KATNIP: variants seen among roughly 807,000 people sequenced by gnomAD.
KATNIP encodes katanin interacting protein, also known as katanin-interacting protein.
KATNIP carries 126 observed loss-of-function variants against 174.0 expected under a neutral mutation model. The observed-to-expected ratio is 0.72, with a 90% CI of 0.63 to 0.84. The LOEUF (loss-of-function observed/expected upper bound fraction) is 0.84. Ranked by LOEUF, KATNIP falls within the 40% of genes least tolerant of loss-of-function variation. The pLI is 0.00. For synonymous variants in KATNIP, 810 were observed against 835.7 expected (o/e 0.97, Z 0.53); for missense variants, 1,958 against 2,109.7 (o/e 0.93, Z 1.41).
At position 27,708,821 on chromosome 16, in the gene KATNIP, C is replaced by G. The variant is rs372389515; in HGVS notation, c.1506C>G (p.Asp502Glu). 107 of 1,613,942 alleles carry G rather than the reference C, an allele frequency of 6.6e-5. No homozygotes were observed. Among genetic ancestry groups the G allele is most frequent in the Non-Finnish European group, 9.0e-5 (106 of 1,180,026 alleles). The change falls in exon 13 of 28, where the codon GAC becomes GAG. Residue 502 changes from aspartate (D) to glutamate (E), a missense_variant. Asp to Glu is a conservative substitution (Grantham distance 45). This residue lies in a region of KATNIP where 1,557 missense variants were observed against 1,617.8 expected (regional missense o/e 0.96). Transcript: ENST00000261588. ...WVGLTEVEFFDLNDTKLYVSP... is the reference protein window; with the variant it reads ...WVGLTEVEFFELNDTKLYVSP... ...GTCTCACAGAAGTCGAGTTCTTTGA[C>G]TTGAATGACACAAAGCTTTATGTGT... is the stretch of plus-strand genomic sequence containing the variant.
chr16:27,597,479 G>A (rs1596855859), intron 2 of KATNIP, among the ~76,000 whole-genome samples: 1 of 99,118 alleles, frequency 1.0e-5, no homozygotes, highest in East Asian at 3.6e-4. Flanking sequence ...ACATGCTTTT[G>A]TAACTTGTAA....
rs148270512 is a variant in KATNIP, at chr16:27,588,380, A to G, written c.63+14424A>G. Reference sequence around the variant, plus strand: ...TAAATATATAAAATCAGTTATTCACATCAAATGTAGAATAATCTATATTTA... The same window carrying G: ...TAAATATATAAAATCAGTTATTCACGTCAAATGTAGAATAATCTATATTTA... On this transcript the variant is annotated intron_variant, in intron 2 of 27. Transcript: ENST00000261588. 6.7e-3 allele frequency among the ~76,000 whole-genome samples: 1,028 copies of G among 152,302 alleles called. 7 individuals carry two copies. The highest frequency in any genetic ancestry group is 0.023 in the African/African-American group (974 of 41,574).
intron 1 of KATNIP, among the ~76,000 whole-genome samples, chr16:27,571,989 T>G (rs57254505): frequency 0.028 from 4,248 of 150,800 alleles, 129 homozygotes; most frequent in African/African-American, 0.079. Context: ...ATCCTGGGGG[T>G]GTGTGTGTGT....
chr16:27,615,334 T>G (rs1275760711), intron 2 of KATNIP, among the ~76,000 whole-genome samples: 1 of 150,140 alleles, frequency 6.7e-6, no homozygotes, highest in East Asian at 1.9e-4. Context: ...GAATCTTTTT[T>G]ATTATTATTA....
intron 15 of KATNIP, 34 bp from the exon 16 acceptor site, chr16:27,749,550 C>G: frequency 6.6e-7 from 1 of 1,515,052 alleles, no homozygotes; most frequent in South Asian, 1.3e-5. Flanking sequence ...ATGCCACTCA[C>G]AGGGCTTCCC....
intron 8 of KATNIP, among the ~76,000 whole-genome samples, chr16:27,688,894 C>A (rs985252986): frequency 2.0e-5 from 3 of 152,180 alleles, no homozygotes; most frequent in African/African-American, 7.2e-5. Flanking sequence ...GAACCAGCCT[C>A]CCTCCTCCAT....
In KATNIP at chr16:27,736,668, C is replaced by A. The variant is rs562133701; in HGVS notation, c.1744-3373C>A. On this transcript the variant is annotated intron_variant, in intron 14 of 27. Transcript: ENST00000261588. ...GAGTCAGAGAGGTCAGCAGGCACCC[C>A]TGAAGGGGAGTAGGATTTCTTGTCA... 5.9e-5 allele frequency among the ~76,000 whole-genome samples: 9 copies of A among 152,268 alleles called. No individual in the cohort carries two copies. The East Asian group carries it at 1.7e-3, about 29-fold the overall frequency.
chr16:27,769,455 G>A lies in KATNIP; in HGVS notation c.3976-406G>A, dbSNP rs143823983. Among the ~76,000 whole-genome samples the A allele has an allele frequency of 4.8e-3, 736 of 152,326 alleles. 1 individual carries two copies. Among genetic ancestry groups the A allele is most frequent in the Non-Finnish European group, 8.1e-3 (549 of 68,028 alleles). On this transcript the variant is annotated intron_variant, in intron 20 of 27. Transcript: ENST00000261588. ...ACTTTACGTAGGTTAACTCATGACC[G>A]TGCCCATTTAACAGATGAGGAAATT...
intron 8 of KATNIP, 55 bp from the exon 9 acceptor site, chr16:27,698,273 A>G (rs2078983446): frequency 6.5e-7 from 1 of 1,538,020 alleles, no homozygotes. Context: ...ATGGGTTGTG[A>G]GCTGCACTCC....
rs2082623123 is a variant in KATNIP at position 27,779,647 on chromosome 16, G to GC, written c.*1023dup. 2 of 152,064 alleles carry GC rather than the reference G, an allele frequency of 1.3e-5. No individual in the cohort carries two copies. The allele number at this position is 152,064 out of a possible 1,614,324, so 9.4% of individuals were successfully genotyped here. A position where few individuals can be genotyped will look rare whatever the true frequency, so the allele number is the denominator to read the frequency against. On this transcript the variant is annotated 3_prime_UTR_variant, in exon 28 of 28. Transcript: ENST00000261588. Reference sequence around the variant, plus strand: ...AGGCAGTGAGGTGCTCCTTTCCCAGGCCCCCACCCCTTCTCCCCCTTCAGC... The same window carrying GC: ...AGGCAGTGAGGTGCTCCTTTCCCAGGCCCCCCACCCCTTCTCCCCCTTCAGC...
At chr16:27,632,658 A>AGGGAGGGGCAGCAGGCAGGCTGGTT (rs1463057133) in intron 5 of KATNIP, 64 of 456,036 alleles carry the variant, frequency 1.4e-4, no homozygotes, top group Admixed American at 8.5e-4. Flanking sequence ...TAACCACAGA[A>AGGGAGGGGCAGCAGGCAGGCTGGTT]GGGAGGGGCA....
intron 12 of KATNIP, among the ~76,000 whole-genome samples, chr16:27,706,396 G>A (rs1268613097): frequency 6.6e-6 from 1 of 152,204 alleles, no homozygotes; most frequent in Admixed American, 6.5e-5. Flanking sequence ...GACCAGTCAG[G>A]CACCTCCCTG....
At chr16:27,592,269 ACTTTT>A in intron 2 of KATNIP, among the ~76,000 whole-genome samples, 1 of 80,456 alleles carries the variant, frequency 1.2e-5, no homozygotes, top group African/African-American at 4.5e-5. Context: ...TGCATATATT[ACTTTT>A]TTTTTTTTTT....
At chr16:27,591,070 C>T (rs1486044283) in intron 2 of KATNIP, among the ~76,000 whole-genome samples, 1 of 152,186 alleles carries the variant, frequency 6.6e-6, no homozygotes, top group Non-Finnish European at 1.5e-5. Flanking sequence ...TTTTCACCTT[C>T]CTGGTCACCT....
rs528713005 is a variant in KATNIP at position 27,683,823 on chromosome 16, C to T, written c.940+2293C>T. 4.6e-5 allele frequency among the ~76,000 whole-genome samples: 7 copies of T among 152,206 alleles called. No individual in the cohort carries two copies. The South Asian group carries it at 6.2e-4, about 14-fold the overall frequency. On this transcript the variant is annotated intron_variant, in intron 8 of 27. Transcript: ENST00000261588. ...TCTGCATCTCCTAGATTGGCCTCAC[C>T]GACTGCTGTTCAGGTTGACAAGCCT...
At chr16:27,670,077 T>C (rs2077841331) in intron 6 of KATNIP, among the ~76,000 whole-genome samples, 1 of 152,232 alleles carries the variant, frequency 6.6e-6, no homozygotes, top group Admixed American at 6.5e-5. Context: ...GGAGGAATTA[T>C]TGAAATTCAA....
intron 2 of KATNIP, among the ~76,000 whole-genome samples, chr16:27,580,800 A>G (rs2090671535): frequency 1.3e-5 from 2 of 150,306 alleles, no homozygotes; most frequent in South Asian, 4.2e-4. Flanking sequence ...CTAGTACTCC[A>G]TTGTGAATTT....
At position 27,713,834 on chromosome 16, in the gene KATNIP, A is replaced by C. The variant is rs548871298; in HGVS notation, c.1605+4914A>C. ...CATATATATATATATATATATATAT[A>C]TATATATATATATATATATATATCT... is the stretch of plus-strand genomic sequence containing the variant. On this transcript the variant is annotated intron_variant, in intron 13 of 27. Coordinates refer to ENST00000261588, the MANE Select transcript of KATNIP (RefSeq NM_015202.5). Among the ~76,000 whole-genome samples, 389 of 74,608 alleles carry C rather than the reference A, an allele frequency of 5.2e-3. 9 individuals are homozygous for C. Among genetic ancestry groups the C allele is most frequent in the African/African-American group, 0.02 (358 of 17,582 alleles). 48.9% of individuals were successfully genotyped at this position (74,608 alleles called of 152,430 possible). A position where few individuals can be genotyped will look rare whatever the true frequency, so the allele number is the denominator to read the frequency against.
intron 8 of KATNIP, among the ~76,000 whole-genome samples, chr16:27,693,746 G>C (rs1459967817): frequency 6.6e-6 from 1 of 152,148 alleles, no homozygotes; most frequent in African/African-American, 2.4e-5. Context: ...GGTTCCTCTA[G>C]GTGCCTTGAC....
Sources: allele counts gnomAD v4.1 joint callset (sites outside exome capture counted in the v4.1 genomes callset), GRCh38; gene constraint gnomAD v4.1.1; regional missense constraint gnomAD v4.1.1; transcripts MANE v1.5; gene names NCBI Gene and HGNC (gene_info 2026-07-23, HGNC 2026-07-21).